The following FGF1 variants were observed in gnomAD, a reference collection of about 807,000 sequenced individuals.
The protein encoded by FGF1 is fibroblast growth factor 1, also known as beta-endothelial cell growth factor.
FGF1 carries 9 observed loss-of-function variants against 13.4 expected under a neutral mutation model. The ratio of observed to expected loss-of-function variants is 0.67; its 90% CI spans 0.40 to 1.17. The LOEUF is 1.17. Among genes scored for constraint, FGF1 ranks in the 50% most tolerant of loss-of-function variants. FGF1 has a pLI of 0.01. For missense variants in FGF1, 156 were observed against 192.7 expected, an observed-to-expected ratio of 0.81 and a Z score of 1.13; for synonymous variants, 93 against 79.0, an observed-to-expected ratio of 1.18 and a Z score of -0.94.
At chr5:142,697,132 A>G (rs1257734394) in intron 2 of FGF1, among the ~76,000 whole-genome samples, 1 of 152,236 alleles carries the variant, frequency 6.6e-6, no homozygotes, top group African/African-American at 2.4e-5. Flanking sequence ...CAGGGCTCTA[A>G]GAAATCAGGA....
intron 1 of FGF1, among the ~76,000 whole-genome samples, chr5:142,676,523 C>T (rs899959956): frequency 6.6e-6 from 1 of 152,214 alleles, no homozygotes; most frequent in African/African-American, 2.4e-5. Flanking sequence ...ACCAGGGTCA[C>T]GCAGCTATTG....
At position 142,636,315 on chromosome 5, in the gene FGF1, A is replaced by T. The variant is rs57332443; in HGVS notation, c.-34-22154T>A. Among the ~76,000 whole-genome samples the T allele has an allele frequency of 9.4e-3, 1,428 of 152,364 alleles. 12 individuals are homozygous for T. Among genetic ancestry groups the T allele is most frequent in the South Asian group, 0.02 (97 of 4,832 alleles). ...AACTGGGACCTAATCACAACACACAAGCCCATAATATGATGACATCAGGCC... is the reference window on the plus strand; with the variant it reads ...AACTGGGACCTAATCACAACACACATGCCCATAATATGATGACATCAGGCC... On this transcript the variant is annotated intron_variant, in intron 1 of 3. Coordinates refer to ENST00000337706, the MANE Select transcript of FGF1 (RefSeq NM_000800.5).
chr5:142,693,682 A>AT (rs1752602704), intron 2 of FGF1, among the ~76,000 whole-genome samples: 1 of 152,094 alleles, frequency 6.6e-6, no homozygotes, highest in Admixed American at 6.5e-5. Flanking sequence ...TTAGCAGTTC[A>AT]TTCCCCATTC....
At chr5:142,608,583 T>TATATAC (rs1462719140) in intron 2 of FGF1, among the ~76,000 whole-genome samples, 9 of 59,836 alleles carry the variant, frequency 1.5e-4, no homozygotes, top group South Asian at 1.3e-3. Flanking sequence ...TATATATATA[T>TATATAC]ACACACACAC....
intron 1 of FGF1, among the ~76,000 whole-genome samples, chr5:142,629,895 A>ATATATT (rs367828611): frequency 1.6e-5 from 2 of 127,870 alleles, no homozygotes; most frequent in African/African-American, 2.8e-5. Context: ...ATATATATAT[A>ATATATT]TTTTTTTTTT....
chr5:142,630,371 A>G (rs1351923219), intron 1 of FGF1, among the ~76,000 whole-genome samples: 1 of 152,166 alleles, frequency 6.6e-6, no homozygotes, highest in Non-Finnish European at 1.5e-5. Flanking sequence ...CACTGTCCAC[A>G]GCAGGTCCAA....
intron 1 of FGF1, among the ~76,000 whole-genome samples, chr5:142,666,973 AAAAG>A (rs889280567): frequency 9.2e-5 from 14 of 151,764 alleles, no homozygotes; most frequent in African/African-American, 2.2e-4. Context: ...ACAGAAAAAA[AAAAG>A]AAAGAAAGAA....
chr5:142,650,529 G>T (rs897243728), intron 1 of FGF1, among the ~76,000 whole-genome samples: 1 of 152,094 alleles, frequency 6.6e-6, no homozygotes, highest in Admixed American at 6.6e-5. Flanking sequence ...ATGATTTAAG[G>T]CTTCAGTAAC....
At chr5:142,694,099 CT>C (rs895822911) in intron 2 of FGF1, among the ~76,000 whole-genome samples, 7 of 143,504 alleles carry the variant, frequency 4.9e-5, no homozygotes, top group African/African-American at 1.8e-4. Context: ...ATCTATCTAT[CT>C]ATCTATCTAT....
chr5:142,695,958 C>A (rs1753047917), intron 2 of FGF1, among the ~76,000 whole-genome samples: 1 of 152,114 alleles, frequency 6.6e-6, no homozygotes, highest in Non-Finnish European at 1.5e-5. Flanking sequence ...CCTCACAAGT[C>A]AAGATGAGTT....
rs974727843 is a variant in FGF1 at position 142,659,714 on chromosome 5, G to A, written c.-35+26243C>T. 4.6e-5 allele frequency among the ~76,000 whole-genome samples: 7 copies of A among 152,278 alleles called. No individual in the cohort carries two copies. The South Asian group carries it at 1.0e-3, about 23-fold the overall frequency. ...CAAAATCTTTCAGAGAGTTGCTGGC[G>A]GGAGGATTCAGTGACACATGTGAAG... On this transcript the variant is annotated intron_variant, in intron 1 of 3. Coordinates refer to ENST00000337706, the MANE Select transcript of FGF1 (RefSeq NM_000800.5).
At chr5:142,623,029 C>T (rs1432347526) in intron 1 of FGF1, among the ~76,000 whole-genome samples, 1 of 152,198 alleles carries the variant, frequency 6.6e-6, no homozygotes, top group Admixed American at 6.5e-5. Context: ...ATTATTAAAC[C>T]ATTAATATCT....
At chr5:142,657,452 C>A (rs1768367963) in intron 1 of FGF1, among the ~76,000 whole-genome samples, 1 of 152,294 alleles carries the variant, frequency 6.6e-6, no homozygotes, top group South Asian at 2.1e-4. Flanking sequence ...CTCTGCAGTA[C>A]CCCATCTAGC....
chr5:142,684,649 CAG>C (rs1194537505), intron 1 of FGF1, among the ~76,000 whole-genome samples: 2 of 152,184 alleles, frequency 1.3e-5, no homozygotes, highest in Non-Finnish European at 2.9e-5. Flanking sequence ...GACTGTGAAT[CAG>C]AGTCTCCACC....
chr5:142,599,150 AG>A (rs1363197652), intron 3 of FGF1, among the ~76,000 whole-genome samples: 1 of 152,218 alleles, frequency 6.6e-6, no homozygotes, highest in Non-Finnish European at 1.5e-5. Context: ...GACTTGCCAG[AG>A]TGGCAGAGGC....
At chr5:142,697,305 C>T (rs1753284523) in intron 2 of FGF1, among the ~76,000 whole-genome samples, 1 of 152,184 alleles carries the variant, frequency 6.6e-6, no homozygotes, top group African/African-American at 2.4e-5. Context: ...TGGGATTTGT[C>T]TAATGATTTC....
chr5:142,592,679 A>G lies in FGF1; in HGVS notation c.*2611T>C, dbSNP rs1046293453. 1 of 380,610 alleles carries G rather than the reference A, an allele frequency of 2.6e-6. No homozygotes were observed. The highest frequency in any genetic ancestry group is 4.6e-6 in the Non-Finnish European group (1 of 215,090). 23.6% of individuals were successfully genotyped at this position (380,610 alleles called of 1,614,324 possible). A position where few individuals can be genotyped will look rare whatever the true frequency, so the allele number is the denominator to read the frequency against. ...AACTACCAACCTCTTCCTTCTAAGAAGATCTGACAGGCTCTTTGGCTGATT... is the reference window on the plus strand; with the variant it reads ...AACTACCAACCTCTTCCTTCTAAGAGGATCTGACAGGCTCTTTGGCTGATT... On this transcript the variant is annotated 3_prime_UTR_variant, in exon 4 of 4. Transcript: ENST00000337706.
intron 2 of FGF1, among the ~76,000 whole-genome samples, chr5:142,605,606 C>G (rs1304176568): frequency 6.6e-6 from 1 of 152,176 alleles, no homozygotes; most frequent in Admixed American, 6.5e-5. Context: ...TAGCACATGA[C>G]TTCAGCCCTC....
chr5:142,694,362 G>C (rs1275479545), intron 2 of FGF1, among the ~76,000 whole-genome samples: 1 of 152,122 alleles, frequency 6.6e-6, no homozygotes, highest in African/African-American at 2.4e-5. Flanking sequence ...ACAGGATATT[G>C]TAAAGATAAA....
Sources: allele counts gnomAD v4.1 joint callset (sites outside exome capture counted in the v4.1 genomes callset), GRCh38; gene constraint gnomAD v4.1.1; transcripts MANE v1.5; gene names NCBI Gene and HGNC (gene_info 2026-07-23, HGNC 2026-07-21).